PJA2: variants seen among roughly 807,000 people sequenced by gnomAD.
PJA2 encodes the protein praja ring finger ubiquitin ligase 2, also known as E3 ubiquitin-protein ligase Praja-2.
Under a neutral mutation model 69.3 loss-of-function variants are expected in PJA2, and 25 were observed. The observed-to-expected ratio is 0.36, with a 90% CI of 0.26 to 0.50. The LOEUF (loss-of-function observed/expected upper bound fraction) is 0.50, where lower values mean the gene tolerates loss of function less well. Ranked by LOEUF, PJA2 falls within the 20% of genes least tolerant of loss-of-function variation. The pLI, the probability that PJA2 is intolerant of heterozygous loss-of-function variation, is 0.96. For synonymous variants in PJA2, 308 were observed against 277.8 expected (o/e 1.11, Z -1.08); for missense variants, 809 against 830.2 (o/e 0.97, Z 0.31).
chr5:109,400,613 A>G (rs982611264), intron 1 of PJA2, among the ~76,000 whole-genome samples: 3 of 152,188 alleles, frequency 2.0e-5, no homozygotes, highest in Non-Finnish European at 4.4e-5. Context: ...CCCCTACAAA[A>G]GCAGTATAAA....
At chr5:109,354,069 A>G (rs867649379) in intron 7 of PJA2, among the ~76,000 whole-genome samples, 1 of 128,096 alleles carries the variant, frequency 7.8e-6, no homozygotes, top group Non-Finnish European at 1.6e-5. Flanking sequence ...ATATCTAGAG[A>G]TATCTATAGA....
intron 7 of PJA2, among the ~76,000 whole-genome samples, chr5:109,345,512 T>TGA (rs1582584503): frequency 4.0e-5 from 1 of 24,818 alleles, no homozygotes; most frequent in South Asian, 1.6e-3. Context: ...AGACTCTGTC[T>TGA]CAAAAAAAAA....
At chr5:109,346,236 T>C (rs1328294648) in intron 7 of PJA2, among the ~76,000 whole-genome samples, 1 of 152,242 alleles carries the variant, frequency 6.6e-6, no homozygotes, top group Admixed American at 6.5e-5. Flanking sequence ...ATGAAAGACC[T>C]TGGCTTCTTT....
intron 1 of PJA2, among the ~76,000 whole-genome samples, chr5:109,407,839 T>G (rs1291836939): frequency 6.6e-6 from 1 of 152,000 alleles, no homozygotes; most frequent in African/African-American, 2.4e-5. Flanking sequence ...TCCCTAACAG[T>G]ATAAAACAAG....
intron 2 of PJA2, 80 bp from the exon 3 acceptor site, chr5:109,381,783 T>C: frequency 8.9e-7 from 1 of 1,118,460 alleles, no homozygotes; most frequent in Non-Finnish European, 1.3e-6. Context: ...ACTACTTCAG[T>C]TTATATTTTA....
At chr5:109,340,623 C>CCT (rs1561338550) in intron 9 of PJA2, among the ~76,000 whole-genome samples, 2 of 5,524 alleles carry the variant, frequency 3.6e-4, no homozygotes, top group Non-Finnish European at 2.6e-4. Context: ...TGGGTCCCTC[C>CCT]CCCTCCCCCT....
At chr5:109,339,133 A>G (rs1030934069) in intron 9 of PJA2, among the ~76,000 whole-genome samples, 1 of 152,228 alleles carries the variant, frequency 6.6e-6, no homozygotes, top group Admixed American at 6.5e-5. Context: ...TCTAAATCAC[A>G]GAAGGCCTTG....
intron 1 of PJA2, among the ~76,000 whole-genome samples, chr5:109,385,336 C>T (rs1211796105): frequency 6.6e-6 from 1 of 151,994 alleles, no homozygotes; most frequent in Non-Finnish European, 1.5e-5. Flanking sequence ...TAAGAAATGA[C>T]CAGATTCTGG....
At chr5:109,380,915 G>T (rs1224924774) in intron 3 of PJA2, among the ~76,000 whole-genome samples, 1 of 151,550 alleles carries the variant, frequency 6.6e-6, no homozygotes, top group Non-Finnish European at 1.5e-5. Context: ...AGGAGTTTGA[G>T]ATCAGCCTGG....
At chr5:109,364,070 G>C (rs1582601545) in intron 5 of PJA2, among the ~76,000 whole-genome samples, 1 of 152,120 alleles carries the variant, frequency 6.6e-6, no homozygotes, top group African/African-American at 2.4e-5. Flanking sequence ...TTGAACTCAG[G>C]AGGCAGAGGT....
At chr5:109,400,216 G>A (rs552772883) in intron 1 of PJA2, among the ~76,000 whole-genome samples, 1 of 151,608 alleles carries the variant, frequency 6.6e-6, no homozygotes, top group South Asian at 2.1e-4. Flanking sequence ...GCTTGAAGTC[G>A]GGAGGCAGAG....
At chr5:109,345,278 C>T (rs1187781845) in intron 7 of PJA2, among the ~76,000 whole-genome samples, 1 of 151,040 alleles carries the variant, frequency 6.6e-6, no homozygotes, top group Non-Finnish European at 1.5e-5. Flanking sequence ...ATTGCTTGAA[C>T]CCAGGAGGTA....
chr5:109,394,092 A>G (rs1747349670), intron 1 of PJA2, among the ~76,000 whole-genome samples: 3 of 136,324 alleles, frequency 2.2e-5, no homozygotes. Flanking sequence ...CTGTTGCCCA[A>G]GCTGGTGTGC....
Position 109,381,571 on chromosome 5 carries a change from C to A in PJA2, c.164G>T (p.Ser55Ile). Reference protein sequence around the residue: ...FKPCMTRHERSLGRAGDDYEV... With the variant: ...FKPCMTRHERILGRAGDDYEV... ...ATAGTCATCACCAGCCCGACCTAAG[C>A]TTCTTTCATGTCTGGTCATACATGG... Residue 55 changes from serine to isoleucine, a missense_variant, in exon 3 of 10, where the codon AGC becomes ATC. Transcript: ENST00000361189. The A allele has an allele frequency of 6.2e-7, 1 of 1,614,104 alleles. No homozygotes were observed. Among genetic ancestry groups the A allele is most frequent in the Non-Finnish European group, 8.5e-7 (1 of 1,180,002 alleles).
At chr5:109,405,838 T>C (rs958752203) in intron 1 of PJA2, among the ~76,000 whole-genome samples, 2 of 152,112 alleles carry the variant, frequency 1.3e-5, no homozygotes, top group African/African-American at 4.8e-5. Context: ...AAAGAGTTCT[T>C]AGAACACAGA....
chr5:109,343,514 T>G (rs1382870232), intron 9 of PJA2, among the ~76,000 whole-genome samples: 2 of 152,110 alleles, frequency 1.3e-5, no homozygotes, highest in Non-Finnish European at 2.9e-5. Flanking sequence ...TATAGTACTT[T>G]GAGTAGTGCC....
intron 9 of PJA2, among the ~76,000 whole-genome samples, chr5:109,337,926 C>A (rs1345977950): frequency 1.3e-5 from 2 of 152,030 alleles, no homozygotes; most frequent in East Asian, 3.9e-4. Flanking sequence ...TCTTTCTAAG[C>A]CATGACATTT....
intron 9 of PJA2, among the ~76,000 whole-genome samples, chr5:109,342,582 T>G (rs1371819571): frequency 2.4e-5 from 2 of 83,186 alleles, no homozygotes; most frequent in African/African-American, 5.2e-5. Context: ...GGGGCGCCTC[T>G]GCCCGGCCGC....
chr5:109,404,610 T>C (rs907492779), intron 1 of PJA2, among the ~76,000 whole-genome samples: 1 of 152,174 alleles, frequency 6.6e-6, no homozygotes, highest in Non-Finnish European at 1.5e-5. Flanking sequence ...CAGCGTTTGG[T>C]GAGAGCCACT....
Sources: allele counts gnomAD v4.1 joint callset (sites outside exome capture counted in the v4.1 genomes callset), GRCh38; gene constraint gnomAD v4.1.1; transcripts MANE v1.5; gene names NCBI Gene and HGNC (gene_info 2026-07-23, HGNC 2026-07-21).